Variants in MAGEA11 observed in about 807,000 individuals in gnomAD.
MAGEA11 encodes MAGE family member A11.
In MAGEA11, 1 loss-of-function variant was observed where a neutral mutation model predicts 8.4. The ratio of observed to expected loss-of-function variants is 0.12; its 90% CI spans 0.04 to 0.57. MAGEA11 has a LOEUF of 0.57. Ranked by LOEUF, MAGEA11 falls within the 20% of genes least tolerant of loss-of-function variation. The pLI is 0.91. For missense variants in MAGEA11, 209 were observed against 317.3 expected (o/e 0.66, Z 2.59); for synonymous variants, 127 against 119.3 (o/e 1.06, Z -0.42).
At chrX:149,703,712 C>G (rs144834761) in intron 1 of MAGEA11, among the ~76,000 whole-genome samples, 1 of 111,792 alleles carries the variant, frequency 8.9e-6, no homozygotes, top group Non-Finnish European at 1.9e-5. Flanking sequence ...AAAATAAATG[C>G]GTTAATTAAT....
At chrX:149,689,723 A>G (rs1174572421) in intron 1 of MAGEA11, among the ~76,000 whole-genome samples, 5 of 112,206 alleles carry the variant, frequency 4.5e-5, no homozygotes, top group Non-Finnish European at 9.4e-5. Flanking sequence ...ATTCTGCCCA[A>G]TGCACTGAAT....
In MAGEA11 at chrX:149,691,367, A is replaced by G. The variant is rs28726300; in HGVS notation, c.9+2383A>G. Among the ~76,000 whole-genome samples the G allele has an allele frequency of 9.5e-3, 1,058 of 111,602 alleles. 21 individuals carry two copies. The highest frequency in any genetic ancestry group is 0.033 in the African/African-American group (1,020 of 30,725). ...GTGTTTTATCCTCATTATTGATCCT[A>G]ATTTCTGCTTTTTTACAAAATTGGT... On this transcript the variant is annotated intron_variant, in intron 1 of 3. Coordinates refer to the MAGEA11 transcript ENST00000333104.
At position 149,716,331 on chromosome X, in the gene MAGEA11, T is replaced by C; in HGVS notation, c.845T>C (p.Val282Ala). The change falls in exon 5 of 5, where the codon GTG becomes GCG. Residue 282 changes from valine (V) to alanine (A), a missense_variant. Transcript: ENST00000355220. ...CTCTTTGGCATTGATGTGAAGGAAG[T>C]GGACCCCACTAGCCACTCCTATGTC... ...QLLFGIDVKE[V>A]DPTSHSYVLV... The C allele has an allele frequency of 1.7e-6, 2 of 1,211,320 alleles. No individual in the cohort carries two copies. Among genetic ancestry groups the C allele is most frequent in the Non-Finnish European group, 2.2e-6 (2 of 895,172 alleles).
chrX:149,695,814 T>C (rs1557360499), intron 1 of MAGEA11, among the ~76,000 whole-genome samples: 1 of 112,159 alleles, frequency 8.9e-6, no homozygotes, highest in African/African-American at 3.2e-5. Flanking sequence ...TGCAAAAAAG[T>C]GCATCCACTT....
At chrX:149,691,766 A>G (rs2090311472) in intron 1 of MAGEA11, among the ~76,000 whole-genome samples, 1 of 112,167 alleles carries the variant, frequency 8.9e-6, no homozygotes, top group African/African-American at 3.2e-5. Flanking sequence ...CCTGTCCTCT[A>G]AATTCTACCT....
chrX:149,711,967 C>T (rs2090403374), upstream of MAGEA11: 1 of 645,966 alleles, frequency 1.5e-6, no homozygotes, highest in Admixed American at 9.2e-5. Context: ...CCCGCCCCGC[C>T]TCGCCTCGCC....
intron 4 of MAGEA11, 27 bp downstream of exon 4, chrX:149,715,704 A>C (rs781907543): frequency 5.8e-6 from 7 of 1,197,545 alleles, no homozygotes; most frequent in Non-Finnish European, 7.9e-6. Context: ...TAGATTCTCC[A>C]TGGTTCATAT....
intron 2 of MAGEA11, 185 bp from the exon 3 acceptor site, chrX:149,714,296 G>A (rs1471381877): frequency 5.0e-6 from 3 of 594,576 alleles, no homozygotes; most frequent in Non-Finnish European, 7.6e-6. Flanking sequence ...GGATATGTCT[G>A]CTCATCTCAG....
At chrX:149,697,009 G>A (rs1391199136) in intron 1 of MAGEA11, among the ~76,000 whole-genome samples, 5 of 111,381 alleles carry the variant, frequency 4.5e-5, no homozygotes, top group Non-Finnish European at 9.4e-5. Flanking sequence ...TGTCCTCTAC[G>A]TGTTTCTCTG....
chrX:149,694,892 T>C (rs1271283135), intron 1 of MAGEA11, among the ~76,000 whole-genome samples: 3 of 110,537 alleles, frequency 2.7e-5, no homozygotes, highest in African/African-American at 9.9e-5. Context: ...CGGCTACCTT[T>C]TGTATTTTAG....
intron 1 of MAGEA11, among the ~76,000 whole-genome samples, chrX:149,704,184 C>G (rs2090366130): frequency 8.9e-6 from 1 of 112,049 alleles, no homozygotes; most frequent in South Asian, 3.7e-4. Flanking sequence ...CTCTCCTGTT[C>G]TATCCATATG....
intron 1 of MAGEA11, among the ~76,000 whole-genome samples, chrX:149,705,717 G>C (rs2090374409): frequency 8.9e-6 from 1 of 111,922 alleles, no homozygotes; most frequent in African/African-American, 3.3e-5. Context: ...TCTAGAGACA[G>C]TCAGGACCTT....
rs1472192797 is a variant in MAGEA11 at position 149,716,976 on chromosome X, C to G, written c.*200C>G. On this transcript the variant is annotated 3_prime_UTR_variant, in exon 5 of 5. Transcript: ENST00000355220. ...TGTATACTGCCTTTAGGTTTCTCTT[C>G]CATCGGGTGACTTGGAGATTTCTTT... is the stretch of plus-strand genomic sequence containing the variant. 2.8e-6 allele frequency: 1 copy of G among 353,937 alleles called. No homozygotes were observed. The highest frequency in any genetic ancestry group is 5.2e-5 in the Admixed American group (1 of 19,367). The allele number at this position is 353,937 out of a possible 1,213,427, so 29.2% of individuals were successfully genotyped here.
In MAGEA11 at chrX:149,716,386, T is replaced by C. The variant is rs1557362515; in HGVS notation, c.900T>C (p.Asp300=). Residue 300 remains aspartate, a synonymous_variant, in exon 5 of 5, where the codon GAT becomes GAC. Transcript: ENST00000355220. The stretch of plus-strand genomic sequence containing the variant: ...TCACCTCCCTCAACCTCTCTTATGA[T>C]GGCATACAGTGTAATGAGCAGAGCA... ...VLVTSLNLSY[D]GIQCNEQSMP... is the part of the protein sequence containing the mutation. 10 of 1,210,137 alleles carry C rather than the reference T, an allele frequency of 8.3e-6. No homozygotes were observed. The highest frequency in any genetic ancestry group is 1.1e-5 in the Non-Finnish European group (10 of 895,253).
At chrX:149,703,059 A>G (rs1557361140) in intron 1 of MAGEA11, among the ~76,000 whole-genome samples, 1 of 111,383 alleles carries the variant, frequency 9.0e-6, no homozygotes. Context: ...CCTAGACTAG[A>G]GCAATGACAA....
intron 2 of MAGEA11, chrX:149,714,258 T>C: frequency 2.1e-6 from 1 of 481,886 alleles, no homozygotes; most frequent in Non-Finnish European, 3.2e-6. Flanking sequence ...TTGGGAAACC[T>C]TCAGGGAGAT....
At chrX:149,697,270 C>T (rs1557360618) in intron 1 of MAGEA11, among the ~76,000 whole-genome samples, 1 of 111,336 alleles carries the variant, frequency 9.0e-6, no homozygotes, top group Non-Finnish European at 1.9e-5. Context: ...TCACAACCAT[C>T]CCTTCATTAC....
chrX:149,714,731 C>T (rs11117537), intron 3 of MAGEA11, among the ~76,000 whole-genome samples, 155 bp downstream of exon 3: 5 of 111,708 alleles, frequency 4.5e-5, no homozygotes, highest in Non-Finnish European at 7.5e-5. Flanking sequence ...TCTCAGGGAG[C>T]GGGAGACATT....
chrX:149,715,756 G>T lies in MAGEA11; in HGVS notation c.270G>T (p.Leu90=), dbSNP rs1292342060. The T allele has an allele frequency of 8.3e-6, 10 of 1,200,072 alleles. No homozygotes were observed. The African/African-American group carries it at 1.8e-4, about 21-fold the overall frequency. The change falls in exon 5 of 5, where the codon CTG becomes CTT. Residue 90 remains leucine (L), a synonymous_variant. Coordinates refer to ENST00000355220, the MANE Select transcript of MAGEA11 (RefSeq NM_005366.5). ...CTCACGCTCCCTCTCTCCCCAGGCT[G>T]TGGGGCCCCATCACCCAGATATTTC... ...TQRITGGEQV[L]WGPITQIFPT...
Sources: gnomAD v4.1 joint callset for allele counts (sites outside exome capture counted in the v4.1 genomes callset) on GRCh38, gnomAD v4.1.1 for gene constraint, MANE v1.5 for transcripts, NCBI Gene and HGNC (gene_info 2026-07-23, HGNC 2026-07-21) for gene names.